RARB: variants seen among roughly 807,000 people sequenced by gnomAD.
The protein encoded by RARB is retinoic acid receptor beta.
In RARB, 17 loss-of-function variants were observed where a neutral mutation model predicts 51.9. The ratio of observed to expected loss-of-function variants is 0.33; its 90% CI spans 0.22 to 0.49. RARB has a LOEUF of 0.49. Ranked by LOEUF, RARB falls within the 20% of genes least tolerant of loss-of-function variation. The pLI is 0.99. For missense variants in RARB, 369 were observed against 550.8 expected (o/e 0.67, Z 3.30); for synonymous variants, 215 against 195.4 (o/e 1.10, Z -0.84).
intron 4 of RARB, among the ~76,000 whole-genome samples, chr3:25,168,145 A>G (rs1700588490): frequency 6.6e-6 from 1 of 152,250 alleles, no homozygotes; most frequent in Non-Finnish European, 1.5e-5. Context: ...AATAAAACAG[A>G]AAAAGTAAAG....
At chr3:25,479,241 A>G (rs1696112096) in intron 2 of RARB, among the ~76,000 whole-genome samples, 1 of 151,956 alleles carries the variant, frequency 6.6e-6, no homozygotes, top group South Asian at 2.1e-4. Flanking sequence ...ATGCAGGGGT[A>G]TTTACTTAAA....
chr3:25,579,316 A>ATG (rs1701073603), intron 4 of RARB, among the ~76,000 whole-genome samples: 1 of 152,198 alleles, frequency 6.6e-6, no homozygotes, highest in African/African-American at 2.4e-5. Flanking sequence ...TCCAGTCAAG[A>ATG]TGTAGAATAT....
At chr3:24,942,913 A>T (rs932802493) in intron 2 of RARB, among the ~76,000 whole-genome samples, 3 of 152,220 alleles carry the variant, frequency 2.0e-5, no homozygotes, top group African/African-American at 7.2e-5. Flanking sequence ...ATCTCATTTT[A>T]AAAGTATTAA....
At chr3:25,556,950 G>A (rs1374939635) in intron 3 of RARB, among the ~76,000 whole-genome samples, 3 of 152,194 alleles carry the variant, frequency 2.0e-5, no homozygotes, top group Non-Finnish European at 4.4e-5. Context: ...CAAGGGCAAG[G>A]AATAGTTATT....
chr3:25,391,796 T>C (rs1462839435), intron 5 of RARB, among the ~76,000 whole-genome samples: 1 of 152,200 alleles, frequency 6.6e-6, no homozygotes, highest in African/African-American at 2.4e-5. Flanking sequence ...ATTAGTCCTT[T>C]GTTGGATGGA....
At chr3:25,118,110 A>G (rs1446982913) in intron 3 of RARB, among the ~76,000 whole-genome samples, 1 of 152,182 alleles carries the variant, frequency 6.6e-6, no homozygotes, top group Non-Finnish European at 1.5e-5. Context: ...CCTGCCTGAT[A>G]TTGAGACCAA....
At chr3:25,210,488 A>G (rs1701665089) in intron 5 of RARB, among the ~76,000 whole-genome samples, 2 of 146,282 alleles carry the variant, frequency 1.4e-5, no homozygotes, top group Admixed American at 1.4e-4. Context: ...AGTTGCAGAG[A>G]CTTCATCTGA....
chr3:25,280,733 A>G (rs1308101478), intron 5 of RARB, among the ~76,000 whole-genome samples: 1 of 152,034 alleles, frequency 6.6e-6, no homozygotes, highest in African/African-American at 2.4e-5. Context: ...GCATTTTTTC[A>G]CCTTCCGTTG....
chr3:25,147,905 C>G lies in RARB; in HGVS notation c.-280+15697C>G, dbSNP rs76296651. Among the ~76,000 whole-genome samples, 882 of 152,300 alleles carry G rather than the reference C, an allele frequency of 5.8e-3. 7 individuals are homozygous for G. Among genetic ancestry groups the G allele is most frequent in the African/African-American group, 0.021 (855 of 41,544 alleles). ...TCATATTGTCTCCCTCTTCTTCCTA[C>G]ATTGAATACATCTGTAATTGTGAGG... On this transcript the variant is annotated intron_variant, in intron 4 of 11. Transcript: ENST00000383772.
In RARB at chr3:25,355,519, A is replaced by G. The variant is rs142093063; in HGVS notation, c.179-105674A>G. Among the ~76,000 whole-genome samples the G allele has an allele frequency of 4.5e-3, 685 of 151,834 alleles. 3 individuals carry two copies. Among genetic ancestry groups the G allele is most frequent in the African/African-American group, 0.015 (630 of 41,396 alleles). On this transcript the variant is annotated intron_variant, in intron 5 of 11. Coordinates refer to the RARB transcript ENST00000383772. The stretch of plus-strand genomic sequence containing the variant: ...CTGGAGTTTGTTTGTTTGTTTGTTT[A>G]TTTGTCACTTCTCCAGCTTTGTTTG...
In RARB at chr3:25,174,419, T is replaced by TGTCCG. The variant is rs1328965837; in HGVS notation, c.27_31dup (p.Pro11ArgfsTer5). On this transcript the variant is annotated frameshift_variant, in exon 5 of 12. Transcript: ENST00000383772. LOFTEE classifies it high-confidence loss of function. ...AAACATGACCACCAGCGGCCACGCA[T>TGTCCG]GTCCGGTCCCAGCAGTGAACGGACA... 3.0e-6 allele frequency: 4 copies of TGTCCG among 1,352,154 alleles called. No individual in the cohort carries two copies. The highest frequency in any genetic ancestry group is 3.9e-6 in the Non-Finnish European group (4 of 1,021,776). The allele number at this position is 1,352,154 out of a possible 1,614,324, so 83.8% of individuals were successfully genotyped here. A position where few individuals can be genotyped will look rare whatever the true frequency, so the allele number is the denominator to read the frequency against.
intron 1 of RARB, among the ~76,000 whole-genome samples, chr3:24,829,956 G>A (rs1238349318): frequency 6.6e-6 from 1 of 152,224 alleles, no homozygotes; most frequent in Non-Finnish European, 1.5e-5. Flanking sequence ...CCTCTGGGTT[G>A]CAGCATGCTT....
chr3:24,910,264 G>T (rs906861850), intron 2 of RARB, among the ~76,000 whole-genome samples: 1 of 152,116 alleles, frequency 6.6e-6, no homozygotes, highest in African/African-American at 2.4e-5. Flanking sequence ...ACGTTGAATT[G>T]CATTTGCCTT....
intron 5 of RARB, among the ~76,000 whole-genome samples, chr3:25,400,363 T>C (rs2125493851): frequency 6.6e-6 from 1 of 152,312 alleles, no homozygotes; most frequent in South Asian, 2.1e-4. Context: ...CTGGTTCTTC[T>C]ATTCAAGGAA....
chr3:25,398,332 C>T (rs1472594043), intron 5 of RARB, among the ~76,000 whole-genome samples: 5 of 151,970 alleles, frequency 3.3e-5, no homozygotes, highest in African/African-American at 7.3e-5. Context: ...CCATTATTAT[C>T]GATAAAAGTT....
Position 24,968,334 on chromosome 3 carries a change from T to C in RARB, c.-379-91791T>C, listed in dbSNP as rs748719561. Among the ~76,000 whole-genome samples, 111 of 152,140 alleles carry C rather than the reference T, an allele frequency of 7.3e-4. 1 individual carries two copies. Among genetic ancestry groups the C allele is most frequent in the Non-Finnish European group, 1.2e-3 (82 of 68,020 alleles). ...TGACTGGGTACAAGATCTTCATTCT[T>C]TTGCTAAGACTATAGTTCTCTTGTT... is the stretch of plus-strand genomic sequence containing the variant. On this transcript the variant is annotated intron_variant, in intron 2 of 11. Coordinates refer to the RARB transcript ENST00000383772.
At chr3:25,327,309 T>G (rs1355580410) in intron 5 of RARB, among the ~76,000 whole-genome samples, 1 of 152,138 alleles carries the variant, frequency 6.6e-6, no homozygotes, top group Non-Finnish European at 1.5e-5. Context: ...GTACAGTTAT[T>G]GAAAAATTTT....
At chr3:24,968,604 C>A (rs1009736552) in intron 2 of RARB, among the ~76,000 whole-genome samples, 2 of 152,102 alleles carry the variant, frequency 1.3e-5, no homozygotes, top group African/African-American at 4.8e-5. Context: ...GTCTCACTCA[C>A]ATATCTGGTG....
At chr3:25,239,036 T>C (rs1366195402) in intron 5 of RARB, among the ~76,000 whole-genome samples, 2 of 152,208 alleles carry the variant, frequency 1.3e-5, no homozygotes, top group African/African-American at 4.8e-5. Flanking sequence ...GTGGTTTTTA[T>C]TTGTATTTCC....
Sources: gnomAD v4.1 joint callset for allele counts (sites outside exome capture counted in the v4.1 genomes callset) on GRCh38, gnomAD v4.1.1 for gene constraint, MANE v1.5 for transcripts, NCBI Gene and HGNC (gene_info 2026-07-23, HGNC 2026-07-21) for gene names.